Variants in METTL15 observed in about 807,000 individuals in gnomAD.
The protein encoded by METTL15 is 12S rRNA N(4)-cytidine methyltransferase METTL15.
A neutral mutation model predicts 38.3 loss-of-function variants in METTL15; 34 were observed. That is an observed-to-expected ratio of 0.89 (90% CI 0.68 to 1.18). The LOEUF (loss-of-function observed/expected upper bound fraction) is 1.18, where lower values mean the gene tolerates loss of function less well. METTL15 is among the 50% of genes most tolerant of loss of function. The pLI is 0.00. For synonymous variants in METTL15, 162 were observed against 170.9 expected, an observed-to-expected ratio of 0.95 and a Z score of 0.41; for missense variants, 438 against 498.4, an observed-to-expected ratio of 0.88 and a Z score of 1.15.
intron 5 of METTL15, among the ~76,000 whole-genome samples, chr11:28,388,087 A>G (rs1850460141): frequency 6.6e-6 from 1 of 152,136 alleles, no homozygotes; most frequent in African/African-American, 2.4e-5. Flanking sequence ...ACTCATAACT[A>G]ACATAATAGT....
chr11:28,156,406 TAAGA>T (rs1347526046), intron 3 of METTL15, among the ~76,000 whole-genome samples: 1 of 152,200 alleles, frequency 6.6e-6, no homozygotes, highest in Non-Finnish European at 1.5e-5. Context: ...TTCAGTGTGT[TAAGA>T]AAGTGTATAT....
At chr11:28,373,483 ATTTG>A (rs1378583885) in intron 5 of METTL15, among the ~76,000 whole-genome samples, 1 of 151,878 alleles carries the variant, frequency 6.6e-6, no homozygotes, top group Non-Finnish European at 1.5e-5. Flanking sequence ...TTTCTTGTAA[ATTTG>A]TTTGAGTTCA....
rs373495201 is a variant in METTL15, at chr11:28,211,202, A to G, written c.407+4A>G. On this transcript the variant is annotated splice_donor_region_variant and intron_variant, in intron 4 of 6. Transcript: ENST00000407364. ...AACATCTTTCAGAGTTGTATCCGTA[A>G]GTAATACCCTTGCATATTTATTTGA... The G allele has an allele frequency of 4.9e-5, 78 of 1,602,148 alleles. No individual in the cohort carries two copies. The highest frequency in any genetic ancestry group is 6.4e-5 in the Non-Finnish European group (75 of 1,175,614).
intron 6 of METTL15, among the ~76,000 whole-genome samples, chr11:28,475,041 A>T (rs985243861): frequency 1.3e-5 from 2 of 152,154 alleles, no homozygotes; most frequent in East Asian, 3.9e-4. Context: ...AAAGGTGGTT[A>T]TTTGAACTGG....
intron 3 of METTL15, among the ~76,000 whole-genome samples, chr11:28,160,409 T>C (rs1392459161): frequency 6.6e-6 from 1 of 152,122 alleles, no homozygotes; most frequent in Non-Finnish European, 1.5e-5. Context: ...ATTTTCAGAA[T>C]TATTTATGTA....
intron 3 of METTL15, among the ~76,000 whole-genome samples, chr11:28,346,602 T>C (rs2133358098): frequency 6.6e-6 from 1 of 152,328 alleles, no homozygotes; most frequent in Non-Finnish European, 1.5e-5. Flanking sequence ...TTTATAGTCT[T>C]TTCAACTTCA....
At chr11:28,145,075 G>T (rs193087483) in intron 3 of METTL15, 1 of 162,312 alleles carries the variant, frequency 6.2e-6, no homozygotes, top group Non-Finnish European at 1.4e-5. Flanking sequence ...CAGGATCTCA[G>T]TAGGAGTTGG....
chr11:28,447,574 G>A (rs1393889297), intron 6 of METTL15, among the ~76,000 whole-genome samples: 5 of 151,700 alleles, frequency 3.3e-5, no homozygotes, highest in Non-Finnish European at 7.4e-5. Flanking sequence ...AGAAACCAAT[G>A]GCTGAATCTC....
intron 3 of METTL15, among the ~76,000 whole-genome samples, chr11:28,139,782 A>T (rs1041756395): frequency 2.6e-5 from 4 of 152,164 alleles, no homozygotes; most frequent in Non-Finnish European, 2.9e-5. Context: ...TCTTGCATAG[A>T]AAAGCTCCCT....
At chr11:28,531,953 T>C (rs1851845256), downstream of METTL15, among the ~76,000 whole-genome samples, 1 of 152,086 alleles carries the variant, frequency 6.6e-6, no homozygotes, top group South Asian at 2.1e-4. Context: ...TATCTTATCT[T>C]TCTTTCATAG....
chr11:28,484,060 T>C (rs377224206), intron 6 of METTL15, among the ~76,000 whole-genome samples: 86 of 152,274 alleles, frequency 5.6e-4, no homozygotes, highest in African/African-American at 2.0e-3. Context: ...CTAGAAGATA[T>C]ATATGCATAT....
chr11:28,516,420 G>A (rs997178605), intron 6 of METTL15, among the ~76,000 whole-genome samples: 1 of 152,156 alleles, frequency 6.6e-6, no homozygotes, highest in Non-Finnish European at 1.5e-5. Context: ...AATGAAGGAA[G>A]ATTGAAGTTG....
At chr11:28,379,256 G>A (rs867075851) in intron 5 of METTL15, among the ~76,000 whole-genome samples, 2 of 151,526 alleles carry the variant, frequency 1.3e-5, no homozygotes, top group Non-Finnish European at 1.5e-5. Context: ...CACTAATTTT[G>A]GGTTCAGTTC....
chr11:28,463,380 C>A (rs1851231639), intron 6 of METTL15, among the ~76,000 whole-genome samples: 1 of 151,966 alleles, frequency 6.6e-6, no homozygotes, highest in Non-Finnish European at 1.5e-5. Context: ...ACAAGAAATC[C>A]CCTCAAGATC....
chr11:28,447,819 A>G (rs375765591), intron 6 of METTL15, among the ~76,000 whole-genome samples: 5 of 152,244 alleles, frequency 3.3e-5, no homozygotes, highest in African/African-American at 1.2e-4. Context: ...GGATGGCCAT[A>G]TCAGTTTCTC....
chr11:28,150,763 G>A (rs1850054906), intron 3 of METTL15, among the ~76,000 whole-genome samples: 1 of 151,822 alleles, frequency 6.6e-6, no homozygotes, highest in Non-Finnish European at 1.5e-5. Flanking sequence ...AATCATTGCT[G>A]CCTTTTCAAG....
intron 4 of METTL15, among the ~76,000 whole-genome samples, chr11:28,241,792 A>G (rs1308927212): frequency 6.6e-6 from 1 of 152,192 alleles, no homozygotes; most frequent in East Asian, 1.9e-4. Flanking sequence ...GGAAAAGCAA[A>G]GATGCCCATA....
chr11:28,271,966 G>T (rs1855658629), intron 4 of METTL15, among the ~76,000 whole-genome samples: 1 of 152,034 alleles, frequency 6.6e-6, no homozygotes, highest in Admixed American at 6.6e-5. Flanking sequence ...TGAAAAAAAG[G>T]TTATCATCAC....
intron 6 of METTL15, among the ~76,000 whole-genome samples, chr11:28,450,442 A>T (rs913999629): frequency 3.3e-5 from 5 of 152,206 alleles, no homozygotes; most frequent in Non-Finnish European, 7.3e-5. Context: ...GATAATACTA[A>T]TCTCACAGGA....
Sources: allele counts gnomAD v4.1 joint callset (sites outside exome capture counted in the v4.1 genomes callset), GRCh38; gene constraint gnomAD v4.1.1; transcripts MANE v1.5; gene names NCBI Gene and HGNC (gene_info 2026-07-23, HGNC 2026-07-21).